ZNF236: variants seen among roughly 807,000 people sequenced by gnomAD.
ZNF236 encodes the protein regulated by glucose.
ZNF236 carries 50 observed loss-of-function variants against 191.2 expected under a neutral mutation model. That is an observed-to-expected ratio of 0.26 (90% CI 0.21 to 0.33). The LOEUF (loss-of-function observed/expected upper bound fraction) is 0.33, where lower values mean the gene tolerates loss of function less well. Ranked by LOEUF, ZNF236 falls within the 10% of genes least tolerant of loss-of-function variation. ZNF236 has a pLI of 1.00. For synonymous variants in ZNF236, 907 were observed against 928.8 expected (o/e 0.98, Z 0.43); for missense variants, 1,754 against 2,374.5 (o/e 0.74, Z 5.43).
chr18:76,848,150 G>A (rs1229612066), intron 1 of ZNF236, among the ~76,000 whole-genome samples: 1 of 152,084 alleles, frequency 6.6e-6, no homozygotes, highest in Non-Finnish European at 1.5e-5. Flanking sequence ...GGAGACTTTT[G>A]GCAGAAATGG....
intron 28 of ZNF236, among the ~76,000 whole-genome samples, chr18:76,956,838 G>A (rs1316411196): frequency 1.3e-5 from 2 of 152,208 alleles, no homozygotes; most frequent in Admixed American, 1.3e-4. Context: ...GGAATGGGGT[G>A]TGGAAGGGGT....
chr18:76,830,980 G>A (rs1190437705), intron 1 of ZNF236, among the ~76,000 whole-genome samples: 1 of 152,172 alleles, frequency 6.6e-6, no homozygotes, highest in East Asian at 1.9e-4. Flanking sequence ...CAGATAATAT[G>A]GAGCAGATAG....
At position 76,956,664 on chromosome 18, in the gene ZNF236, G is replaced by T. The variant is rs183088230; in HGVS notation, c.5112+482G>T. On this transcript the variant is annotated intron_variant, in intron 28 of 30. Coordinates refer to ENST00000320610, the MANE Select transcript of ZNF236 (RefSeq NM_001306089.2). The stretch of plus-strand genomic sequence containing the variant: ...TTAGCTGCCCACGCTTTCCACTGCA[G>T]CAGAGCCATCATTGCACAGTGGAGA... 2.6e-3 allele frequency among the ~76,000 whole-genome samples: 392 copies of T among 152,320 alleles called. 4 individuals carry two copies. The highest frequency in any genetic ancestry group is 9.1e-3 in the African/African-American group (379 of 41,564).
At chr18:76,845,842 C>A (rs967450955) in intron 1 of ZNF236, among the ~76,000 whole-genome samples, 1 of 151,284 alleles carries the variant, frequency 6.6e-6, no homozygotes, top group African/African-American at 2.4e-5. Context: ...GAGTGAGACT[C>A]CATCTTAAAA....
rs944420718 is a variant in ZNF236 at position 76,956,295 on chromosome 18, G to A, written c.5112+113G>A. 14 of 1,289,580 alleles carry A rather than the reference G, an allele frequency of 1.1e-5. No individual in the cohort carries two copies. The Middle Eastern group carries it at 7.7e-4, about 71-fold the overall frequency. 79.9% of individuals were successfully genotyped at this position (1,289,580 alleles called of 1,614,324 possible). ...GCATGTGTTTTTGAGGAAAAGGCCG[G>A]TTTTTGAGGAAAAGGTCACTAGATG... On this transcript the variant is annotated intron_variant, in intron 28 of 30. Coordinates refer to ENST00000320610, the MANE Select transcript of ZNF236 (RefSeq NM_001306089.2).
At position 76,919,673 on chromosome 18, in the gene ZNF236, A is replaced by G; in HGVS notation, c.3275-103A>G. 7.4e-7 allele frequency: 1 copy of G among 1,345,310 alleles called. No individual in the cohort carries two copies. Among genetic ancestry groups the G allele is most frequent in the Admixed American group, 2.1e-5 (1 of 47,608 alleles). The allele number at this position is 1,345,310 out of a possible 1,614,324, so 83.3% of individuals were successfully genotyped here. A position where few individuals can be genotyped will look rare whatever the true frequency, so the allele number is the denominator to read the frequency against. On this transcript the variant is annotated intron_variant, in intron 19 of 30. Transcript: ENST00000320610. The surrounding 1 kb of genome is among the most constrained non-coding windows in gnomAD (Gnocchi z 5.3). ...ATCATAAAAATAGCTTGGTTGAGTTATTAATTTTCATTACATACATACCTA... is the reference window on the plus strand; with the variant it reads ...ATCATAAAAATAGCTTGGTTGAGTTGTTAATTTTCATTACATACATACCTA...
At chr18:76,854,635 G>A (rs1385789264) in intron 3 of ZNF236, among the ~76,000 whole-genome samples, 1 of 150,414 alleles carries the variant, frequency 6.6e-6, no homozygotes, top group African/African-American at 2.4e-5. Flanking sequence ...AAATTTAATA[G>A]TTTTCATCAT....
chr18:76,900,907 C>G lies in ZNF236; in HGVS notation c.1894+1685C>G, dbSNP rs138629396. On this transcript the variant is annotated intron_variant, in intron 11 of 30. Transcript: ENST00000320610. ...GGACTGGTTTCAGGGTAAAACTGTT[C>G]CACTCAGATGTCAGAGAATCAGACA... Among the ~76,000 whole-genome samples the G allele has an allele frequency of 4.6e-5, 7 of 152,128 alleles. No homozygotes were observed. In the East Asian group the frequency reaches 9.6e-4, roughly 21 times the overall value.
Position 76,937,193 on chromosome 18 carries a change from A to G in ZNF236, c.4632A>G (p.Thr1544=), listed in dbSNP as rs1403644078. ...CAAGCGGAAGCCTTCCTTCAACAAC[A>G]CCGATGTCTCCATCGGCCATCTCGA... The part of the protein sequence containing the change: ...NTTSGSLPST[T]PMSPSAISTQ... The change falls in exon 26 of 31, where the codon ACA becomes ACG. Residue 1544 remains threonine, a synonymous_variant. Transcript: ENST00000320610. 9 of 1,613,730 alleles carry G rather than the reference A, an allele frequency of 5.6e-6. No homozygotes were observed. Among genetic ancestry groups the G allele is most frequent in the African/African-American group, 1.3e-5 (1 of 74,798 alleles).
chr18:76,822,903 G>T (rs1291731897), intron 1 of ZNF236, among the ~76,000 whole-genome samples: 1 of 148,098 alleles, frequency 6.8e-6, no homozygotes, highest in Non-Finnish European at 1.5e-5. Flanking sequence ...GCCGGGCGGC[G>T]GCTGAGGCGG....
chr18:76,919,999 G>A lies in ZNF236; in HGVS notation c.3498G>A (p.Lys1166=). 6.2e-7 allele frequency: 1 copy of A among 1,613,490 alleles called. No homozygotes were observed. ...AGGCGGAGCTGCAGGACGAGCCCAA[G>A]CACGCCAACTGCTGCACATACTGCC... ...DKQAELQDEP[K]HANCCTYCPK... Residue 1166 remains lysine, a synonymous_variant, in exon 20 of 31, where the codon AAG becomes AAA. Coordinates refer to ENST00000320610, the MANE Select transcript of ZNF236 (RefSeq NM_001306089.2). The surrounding 1 kb of genome is among the most constrained non-coding windows in gnomAD (Gnocchi z 5.3).
rs1325848944 is a variant in ZNF236, at chr18:76,919,561, GC to G, written c.3275-209del. 2.7e-5 allele frequency among the ~76,000 whole-genome samples: 4 copies of G among 150,800 alleles called. No individual in the cohort carries two copies. The highest frequency in any genetic ancestry group is 5.9e-5 in the Non-Finnish European group (4 of 67,792). ...CTTCACCAACCTCTGTTCATCCCCC[GC>G]CCCCCACTTTCCAGTACACTTGGCT... On this transcript the variant is annotated intron_variant, in intron 19 of 30. Transcript: ENST00000320610. The surrounding 1 kb of genome is among the most constrained non-coding windows in gnomAD (Gnocchi z 5.3).
chr18:76,871,788 G>A lies in ZNF236; in HGVS notation c.630G>A (p.Lys210=), dbSNP rs1015002610. The A allele has an allele frequency of 4.3e-6, 7 of 1,614,088 alleles. No homozygotes were observed. The highest frequency in any genetic ancestry group is 5.9e-6 in the Non-Finnish European group (7 of 1,180,054). Residue 210 remains lysine (K), a synonymous_variant, in exon 5 of 31, where the codon AAG becomes AAA. Transcript: ENST00000320610. The part of the protein sequence containing the change: ...SCPHCGKTFQ[K]PSQLTRHIRI... ...CGCACTGTGGAAAGACGTTTCAAAAGCCAAGCCAGTTAACGCGACACATTA... is the reference window on the plus strand; with the variant it reads ...CGCACTGTGGAAAGACGTTTCAAAAACCAAGCCAGTTAACGCGACACATTA...
chr18:76,916,842 G>C (rs1967379508), intron 19 of ZNF236, among the ~76,000 whole-genome samples: 1 of 151,904 alleles, frequency 6.6e-6, no homozygotes, highest in African/African-American at 2.4e-5. Context: ...TGTGGAGACA[G>C]GGGTGCTAAA....
chr18:76,869,459 C>T (rs1976519016), intron 4 of ZNF236, among the ~76,000 whole-genome samples: 1 of 152,134 alleles, frequency 6.6e-6, no homozygotes, highest in South Asian at 2.1e-4. Context: ...TATTTGAATG[C>T]ATTTATACAT....
intron 3 of ZNF236, among the ~76,000 whole-genome samples, chr18:76,867,921 C>T (rs1976461356): frequency 6.6e-6 from 1 of 151,834 alleles, no homozygotes; most frequent in Non-Finnish European, 1.5e-5. Context: ...AACATCTAGA[C>T]CAGCATCATC....
chr18:76,892,654 G>T (rs569037054), intron 9 of ZNF236, among the ~76,000 whole-genome samples: 1 of 152,234 alleles, frequency 6.6e-6, no homozygotes, highest in Non-Finnish European at 1.5e-5. Flanking sequence ...CATAACCTCT[G>T]CCTCCCGGGT....
Position 76,895,166 on chromosome 18 carries a change from A to G in ZNF236, c.1571A>G (p.Lys524Arg). 6.2e-7 allele frequency: 1 copy of G among 1,607,368 alleles called. No homozygotes were observed. The highest frequency in any genetic ancestry group is 1.1e-5 in the South Asian group (1 of 91,088). ...CPQCFRAFAV[K>R]STLTAHIKTH... ...CAGTGCTTCCGCGCCTTCGCCGTGA[A>G]GAGCACGCTGACAGCGCACATCAAG... Residue 524 changes from lysine (K) to arginine (R), a missense_variant, in exon 10 of 31, where the codon AAG (lysine) becomes AGG (arginine). Lys to Arg is a conservative substitution (Grantham distance 26, BLOSUM62 2). Around this residue, in one of 5 missense-constraint regions of ZNF236, gnomAD observed 641 missense variants for 869.6 expected, o/e 0.74. Coordinates refer to ENST00000320610, the MANE Select transcript of ZNF236 (RefSeq NM_001306089.2).
At chr18:76,915,927 A>ATCACCGTGAGTAT in intron 19 of ZNF236, 68 bp downstream of exon 19, 2 of 1,467,010 alleles carry the variant, frequency 1.4e-6, no homozygotes, top group South Asian at 1.2e-5. Context: ...CCATTCACAA[A>ATCACCGTGAGTAT]TCACCGTGAG....
Sources: allele counts gnomAD v4.1 joint callset (sites outside exome capture counted in the v4.1 genomes callset), GRCh38; gene constraint gnomAD v4.1.1; regional missense constraint gnomAD v4.1.1; non-coding constraint Gnocchi (gnomAD v3.1); transcripts MANE v1.5; gene names NCBI Gene and HGNC (gene_info 2026-07-23, HGNC 2026-07-21).